Variants in BAZ2B observed in about 807,000 individuals in gnomAD.
The protein encoded by BAZ2B is bromodomain adjacent to zinc finger domain 2B, also known as bromodomain adjacent to zinc finger domain protein 2B.
BAZ2B carries 91 observed loss-of-function variants against 246.0 expected under a neutral mutation model. That is an observed-to-expected ratio of 0.37 (90% confidence interval 0.31 to 0.44). The LOEUF (loss-of-function observed/expected upper bound fraction) is 0.44, where lower values mean the gene tolerates loss of function less well. BAZ2B is among the 20% of genes least tolerant of loss of function. The pLI is 1.00. For missense variants in BAZ2B, 2,332 were observed against 2,533.7 expected, an observed-to-expected ratio of 0.92 and a Z score of 1.71; for synonymous variants, 855 against 860.0, an observed-to-expected ratio of 0.99 and a Z score of 0.10.
chr2:159,555,069 G>GGT (rs61204311), intron 2 of BAZ2B, among the ~76,000 whole-genome samples: 9 of 123,506 alleles, frequency 7.3e-5, no homozygotes, highest in Admixed American at 4.1e-4. Context: ...GTATGTGGGG[G>GGT]GTGTGTGTGT....
At chr2:159,408,304 C>G (rs1325642945) in intron 14 of BAZ2B, among the ~76,000 whole-genome samples, 1 of 152,150 alleles carries the variant, frequency 6.6e-6, no homozygotes, top group African/African-American at 2.4e-5. Context: ...TCCTGAATAA[C>G]CAGGACTATA....
chr2:159,400,524 G>T (rs1422593142), intron 17 of BAZ2B, 75 bp downstream of exon 17: 1 of 885,660 alleles, frequency 1.1e-6, no homozygotes. Flanking sequence ...AAACATGCAC[G>T]CAAAATATTT....
rs773067675 is a variant in BAZ2B, at chr2:159,491,720, CAAAAAAAAAA to C, written c.-2-13009_-2-13000del. Among the ~76,000 whole-genome samples the C allele has an allele frequency of 2.3e-3, 69 of 29,558 alleles. 2 individuals carry two copies. Among genetic ancestry groups the C allele is most frequent in the Non-Finnish European group, 2.9e-3 (56 of 19,462 alleles). 19.4% of individuals were successfully genotyped at this position (29,558 alleles called of 152,430 possible). On this transcript the variant is annotated intron_variant, in intron 2 of 36. Coordinates refer to ENST00000392783, the MANE Select transcript of BAZ2B (RefSeq NM_013450.4). ...CGGGCGACAGAGCGAGACTCCGTCT[CAAAAAAAAAA>C]AAAAAAAAAAAAAAAAGTCTTCTGT...
chr2:159,452,435 C>T (rs979959508), intron 4 of BAZ2B, among the ~76,000 whole-genome samples: 2 of 152,118 alleles, frequency 1.3e-5, no homozygotes, highest in South Asian at 2.1e-4. Flanking sequence ...TTATGATTCT[C>T]GTTTTTCAGA....
In BAZ2B at chr2:159,448,300, A is replaced by G; in HGVS notation, c.444T>C (p.Asp148=). 3.7e-6 allele frequency: 6 copies of G among 1,613,326 alleles called. No homozygotes were observed. Among genetic ancestry groups the G allele is most frequent in the Non-Finnish European group, 5.1e-6 (6 of 1,179,818 alleles). The change falls in exon 5 of 37, where the codon GAT becomes GAC. Residue 148 remains aspartate (D), a synonymous_variant. Coordinates refer to ENST00000392783, the MANE Select transcript of BAZ2B (RefSeq NM_013450.4). ...PLFAPPAQNH[D]SSSFHSRTSG... ...AAGTCCTTGAATGGAATGAAGAAGAATCATGATTCTGGGCTGGGGGAGCAA... is the reference window on the plus strand; with the variant it reads ...AAGTCCTTGAATGGAATGAAGAAGAGTCATGATTCTGGGCTGGGGGAGCAA...
intron 3 of BAZ2B, among the ~76,000 whole-genome samples, chr2:159,454,835 T>G (rs1285728470): frequency 6.6e-6 from 1 of 152,224 alleles, no homozygotes; most frequent in Non-Finnish European, 1.5e-5. Context: ...AATGTTCAAT[T>G]CAAATGAGTC....
At chr2:159,681,219 T>C in the BAZ2B span, among the ~76,000 whole-genome samples, 1 of 152,148 alleles carries the variant, frequency 6.6e-6, no homozygotes, top group Non-Finnish European at 1.5e-5. Context: ...GAAAATCTTA[T>C]GGCAAAACAG....
intron 20 of BAZ2B, chr2:159,395,250 C>T (rs184841169): frequency 2.0e-5 from 3 of 152,154 alleles, no homozygotes; most frequent in Non-Finnish European, 2.9e-5. Context: ...TCTATTTCAA[C>T]CTTTAAGTGA....
chr2:159,508,151 G>A (rs1025114722), intron 2 of BAZ2B, among the ~76,000 whole-genome samples: 2 of 152,174 alleles, frequency 1.3e-5, no homozygotes, highest in Non-Finnish European at 2.9e-5. Context: ...GATCACAGAT[G>A]TGAGCCACAA....
chr2:159,606,283 C>T (rs1559890337), intron 1 of BAZ2B, among the ~76,000 whole-genome samples: 1 of 148,140 alleles, frequency 6.8e-6, no homozygotes, highest in East Asian at 2.0e-4. Context: ...CAAAGTAACC[C>T]CTCTTTTAAA....
chr2:159,681,705 C>T, the BAZ2B span, among the ~76,000 whole-genome samples: 3 of 152,072 alleles, frequency 2.0e-5, no homozygotes, highest in Non-Finnish European at 2.9e-5. Flanking sequence ...CCGAGGTGGG[C>T]TGATCACCTG....
intron 27 of BAZ2B, among the ~76,000 whole-genome samples, chr2:159,357,430 T>C (rs1365298567): frequency 2.6e-5 from 4 of 151,538 alleles, no homozygotes. Context: ...GAAAAAAGAA[T>C]GAAAAGAAAT....
the BAZ2B span, among the ~76,000 whole-genome samples, chr2:159,678,941 T>A: frequency 6.6e-6 from 1 of 152,298 alleles, no homozygotes; most frequent in East Asian, 1.9e-4. Flanking sequence ...TTTTTGAGAA[T>A]AGTTTCTATG....
At chr2:159,567,322 C>T (rs1029651554) in intron 1 of BAZ2B, among the ~76,000 whole-genome samples, 8 of 152,148 alleles carry the variant, frequency 5.3e-5, no homozygotes, top group African/African-American at 1.9e-4. Flanking sequence ...GTTTCCTGTT[C>T]ATCAGTGCAG....
chr2:159,632,879 C>T, the BAZ2B span, among the ~76,000 whole-genome samples: 27 of 152,236 alleles, frequency 1.8e-4, 1 homozygote, highest in South Asian at 4.1e-3. Context: ...TCCTCTTACT[C>T]GTTTAAACAA....
chr2:159,385,436 A>C, intron 22 of BAZ2B, 67 bp from the exon 23 acceptor site: 6 of 1,373,634 alleles, frequency 4.4e-6, no homozygotes, highest in Non-Finnish European at 6.1e-6. Flanking sequence ...CAATAAGATT[A>C]AAAATCCTCA....
At chr2:159,447,765 AT>A (rs2074458182) in intron 5 of BAZ2B, among the ~76,000 whole-genome samples, 8 of 152,196 alleles carry the variant, frequency 5.3e-5, no homozygotes, top group Admixed American at 3.9e-4. Flanking sequence ...ATCTCAAAGA[AT>A]TATTTTAAGA....
intron 3 of BAZ2B, among the ~76,000 whole-genome samples, chr2:159,465,996 T>A (rs2076997514): frequency 6.6e-6 from 1 of 152,078 alleles, no homozygotes; most frequent in East Asian, 1.9e-4. Flanking sequence ...GAGAAAATCA[T>A]GCTGTAATAG....
intron 1 of BAZ2B, among the ~76,000 whole-genome samples, chr2:159,574,897 G>A (rs535420954): frequency 6.6e-6 from 1 of 152,022 alleles, no homozygotes; most frequent in African/African-American, 2.4e-5. Context: ...TTGAATCCAG[G>A]AGGCGGAGGC....
Sources: gnomAD v4.1 joint callset for allele counts (sites outside exome capture counted in the v4.1 genomes callset) on GRCh38, gnomAD v4.1.1 for gene constraint, MANE v1.5 for transcripts, NCBI Gene and HGNC (gene_info 2026-07-23, HGNC 2026-07-21) for gene names.